SLC36A4: variants seen among roughly 807,000 people sequenced by gnomAD.
SLC36A4 encodes the protein solute carrier family 36 member 4, also known as neutral amino acid uniporter 4.
In SLC36A4, 49 loss-of-function variants were observed where a neutral mutation model predicts 50.5. The observed-to-expected ratio is 0.97, with a 90% CI of 0.77 to 1.23. The LOEUF is 1.23. SLC36A4 is among the 50% of genes most tolerant of loss of function. The pLI is 0.00. For missense variants in SLC36A4, 611 were observed against 608.4 expected, an observed-to-expected ratio of 1.00 and a Z score of -0.05; for synonymous variants, 207 against 206.5, an observed-to-expected ratio of 1.00 and a Z score of -0.02.
chr11:93,197,523 C>G, intron 1 of SLC36A4: 1 of 542,582 alleles, frequency 1.8e-6, no homozygotes. Flanking sequence ...CCACTCAACA[C>G]ACACACTCAC....
chr11:93,167,864 A>T, intron 7 of SLC36A4, 80 bp downstream of exon 7: 1 of 838,154 alleles, frequency 1.2e-6, no homozygotes, highest in Non-Finnish European at 1.9e-6. Context: ...TTTGCATATC[A>T]TTACTTTTAC....
intron 3 of SLC36A4, among the ~76,000 whole-genome samples, 194 bp downstream of exon 3, chr11:93,184,236 T>C (rs1861876719): frequency 6.6e-6 from 1 of 152,164 alleles, no homozygotes; most frequent in African/African-American, 2.4e-5. Context: ...AGTAATGAAG[T>C]AGAAATGAAT....
intron 6 of SLC36A4, 44 bp downstream of exon 6, chr11:93,180,753 G>T (rs766300676): frequency 7.4e-7 from 1 of 1,358,978 alleles, no homozygotes; most frequent in Admixed American, 1.7e-5. Flanking sequence ...CATAACTAGG[G>T]CTTTAGAAGA....
chr11:93,171,746 T>C (rs1478975746), intron 6 of SLC36A4: 4 of 152,120 alleles, frequency 2.6e-5, no homozygotes, highest in Non-Finnish European at 5.9e-5. Context: ...TAAGATGGTA[T>C]GTCTTATCAG....
intron 2 of SLC36A4, 124 bp downstream of exon 2, chr11:93,185,567 G>T: frequency 1.2e-6 from 1 of 852,102 alleles, no homozygotes; most frequent in Non-Finnish European, 1.7e-6. Flanking sequence ...TAAACTCATT[G>T]AAGGTGGAGA....
intron 9 of SLC36A4, among the ~76,000 whole-genome samples, chr11:93,162,106 A>G (rs1480048792): frequency 2.0e-5 from 3 of 152,146 alleles, no homozygotes; most frequent in Non-Finnish European, 4.4e-5. Flanking sequence ...CTTTTTTGGC[A>G]ATAAGGACAA....
chr11:93,157,420 T>C (rs866691990), intron 9 of SLC36A4, among the ~76,000 whole-genome samples: 23 of 152,240 alleles, frequency 1.5e-4, no homozygotes, highest in African/African-American at 5.3e-4. Flanking sequence ...ATTAAAACTA[T>C]AAATTGCTTT....
intron 9 of SLC36A4, chr11:93,160,687 G>A: frequency 1.0e-6 from 1 of 985,286 alleles, no homozygotes; most frequent in Non-Finnish European, 1.2e-6. Flanking sequence ...CTCCCACTTT[G>A]GAAACTTCCC....
chr11:93,147,262 T>G lies in SLC36A4; in HGVS notation c.*1275A>C, dbSNP rs759316072. The G allele has an allele frequency of 5.3e-5, 8 of 152,114 alleles. No individual in the cohort carries two copies. Among genetic ancestry groups the G allele is most frequent in the Non-Finnish European group, 1.2e-4 (8 of 68,050 alleles). 9.4% of individuals were successfully genotyped at this position (152,114 alleles called of 1,614,324 possible). On this transcript the variant is annotated 3_prime_UTR_variant, in exon 11 of 11. Coordinates refer to ENST00000326402, the MANE Select transcript of SLC36A4 (RefSeq NM_152313.4). ...TTATCCTCCAGAGTAGCTGGGATTA[T>G]AAGCACAGACCACCACACCTAGCTG...
intron 9 of SLC36A4, chr11:93,160,217 C>G: frequency 1.0e-6 from 1 of 985,426 alleles, no homozygotes; most frequent in Non-Finnish European, 1.2e-6. Context: ...AGAGTCCACA[C>G]AGAAACAGAC....
chr11:93,189,977 A>G (rs1862145807), intron 1 of SLC36A4, among the ~76,000 whole-genome samples: 1 of 152,210 alleles, frequency 6.6e-6, no homozygotes, highest in Non-Finnish European at 1.5e-5. Context: ...TAGTATTACA[A>G]TGTTCAGAAT....
In SLC36A4 at chr11:93,159,175, G is replaced by A. The variant is rs1590938638; in HGVS notation, c.1037+3531C>T. 2.0e-5 allele frequency among the ~76,000 whole-genome samples: 3 copies of A among 152,154 alleles called. 1 individual carries two copies. Among genetic ancestry groups the A allele is most frequent in the East Asian group, 3.9e-4 (2 of 5,174 alleles). ...GGAAACAAAATCTATTATAATGATA[G>A]TAAAGAATTTAATACCTTAGTAAAG... On this transcript the variant is annotated intron_variant, in intron 9 of 10. Coordinates refer to ENST00000326402, the MANE Select transcript of SLC36A4 (RefSeq NM_152313.4).
Position 93,162,756 on chromosome 11 carries a change from G to C in SLC36A4, c.987C>G (p.Phe329Leu). Residue 329 changes from phenylalanine to leucine, a missense_variant, in exon 9 of 11, where the codon TTC becomes TTG. Phe to Leu is a conservative substitution (Grantham distance 22). Transcript: ENST00000326402. The stretch of plus-strand genomic sequence containing the variant: ...TTATGCTGCCTTTGATTTCATCATG[G>C]AAACACATATATCCTAAAGTAGCTA... Reference protein sequence around the residue: ...VTLATLGYMCFHDEIKGSITL... With the variant: ...VTLATLGYMCLHDEIKGSITL... The C allele has an allele frequency of 1.2e-6, 2 of 1,612,930 alleles. No individual in the cohort carries two copies. Among genetic ancestry groups the C allele is most frequent in the Non-Finnish European group, 1.7e-6 (2 of 1,179,580 alleles).
At position 93,162,792 on chromosome 11, in the gene SLC36A4, C is replaced by T. The variant is rs1860688636; in HGVS notation, c.951G>A (p.Leu317=). 6.2e-7 allele frequency: 1 copy of T among 1,613,032 alleles called. No individual in the cohort carries two copies. The highest frequency in any genetic ancestry group is 8.5e-7 in the Non-Finnish European group (1 of 1,179,218). The change falls in exon 9 of 11, where the codon TTG becomes TTA. Residue 317 remains leucine, a synonymous_variant. Coordinates refer to ENST00000326402, the MANE Select transcript of SLC36A4 (RefSeq NM_152313.4). ...LNIGMGIVTT[L]YVTLATLGYM... ...ATCCTAAAGTAGCTAATGTTACATA[C>T]AAAGTTGTAACAATCCCCATGCCAA... is the stretch of plus-strand genomic sequence containing the variant.
Position 93,162,875 on chromosome 11 carries a change from C to T in SLC36A4, c.868G>A (p.Val290Ile). Residue 290 changes from valine (V) to isoleucine (I), a missense_variant and splice_region_variant, in exon 9 of 11, where the codon GTC (valine) becomes ATC (isoleucine). By Grantham distance (29) the Val-to-Ile change is conservative. Transcript: ENST00000326402. ...TTCATTTGGTTTTCCAGTGGAAGGACCTAAGAAAAGAATACAATACTTTTT... is the reference window on the plus strand; with the variant it reads ...TTCATTTGGTTTTCCAGTGGAAGGATCTAAGAAAAGAATACAATACTTTTT... Reference protein sequence around the residue: ...AVFAFEGIGVVLPLENQMKES... With the variant: ...AVFAFEGIGVILPLENQMKES... 6.2e-7 allele frequency: 1 copy of T among 1,610,706 alleles called. No homozygotes were observed. Among genetic ancestry groups the T allele is most frequent in the African/African-American group, 1.3e-5 (1 of 74,708 alleles).
intron 9 of SLC36A4, chr11:93,155,506 A>C (rs552931672): frequency 6.7e-6 from 1 of 148,200 alleles, no homozygotes; most frequent in East Asian, 1.9e-4. Flanking sequence ...AAATGTACTT[A>C]ATATATAAGT....
chr11:93,164,698 T>C (rs1051329612), intron 8 of SLC36A4, among the ~76,000 whole-genome samples: 5 of 152,134 alleles, frequency 3.3e-5, no homozygotes, highest in Non-Finnish European at 7.4e-5. Context: ...GAGAAAGAAA[T>C]GAACATTTCC....
chr11:93,163,785 T>C (rs1379076760), intron 8 of SLC36A4, among the ~76,000 whole-genome samples: 3 of 151,990 alleles, frequency 2.0e-5, no homozygotes, highest in Non-Finnish European at 2.9e-5. Flanking sequence ...CATGTATGTA[T>C]GTATGTATGT....
chr11:93,159,074 G>C (rs893609486), intron 9 of SLC36A4, among the ~76,000 whole-genome samples: 2 of 151,824 alleles, frequency 1.3e-5, no homozygotes, highest in Non-Finnish European at 2.9e-5. Flanking sequence ...GATATGGATA[G>C]GTAATTCTTA....
Sources: allele counts gnomAD v4.1 joint callset (sites outside exome capture counted in the v4.1 genomes callset), GRCh38; gene constraint gnomAD v4.1.1; transcripts MANE v1.5; gene names NCBI Gene and HGNC (gene_info 2026-07-23, HGNC 2026-07-21).